The following RXFP2 variants were observed in gnomAD, a reference collection of about 807,000 sequenced individuals.
RXFP2 encodes relaxin family peptide receptor 2.
Under a neutral mutation model 88.6 loss-of-function variants are expected in RXFP2, and 68 were observed. That is an observed-to-expected ratio of 0.77 (90% CI 0.63 to 0.94). The LOEUF (loss-of-function observed/expected upper bound fraction) is 0.94. RXFP2 is among the 40% of genes least tolerant of loss of function. RXFP2 has a pLI of 0.00. For synonymous variants in RXFP2, 329 were observed against 306.8 expected, an observed-to-expected ratio of 1.07 and a Z score of -0.76; for missense variants, 791 against 893.9, an observed-to-expected ratio of 0.88 and a Z score of 1.47.
intron 5 of RXFP2, among the ~76,000 whole-genome samples, chr13:31,773,478 G>T (rs1475217395): frequency 2.1e-5 from 3 of 146,196 alleles, no homozygotes; most frequent in Non-Finnish European, 3.0e-5. Context: ...TTTTTTAATT[G>T]AAGTTAAATA....
rs1874405141 is a variant in RXFP2, at chr13:31,802,542, G to C, written c.*137G>C. On this transcript the variant is annotated 3_prime_UTR_variant, in exon 18 of 18. Transcript: ENST00000298386. ...CAGAGAGCACAGCAGAATGGCTCCT[G>C]TCACTGCATTCCAATGGCAGCTGTA... The C allele has an allele frequency of 2.1e-6, 2 of 934,796 alleles. No homozygotes were observed. The highest frequency in any genetic ancestry group is 3.4e-6 in the Non-Finnish European group (2 of 582,064). 57.9% of individuals were successfully genotyped at this position (934,796 alleles called of 1,614,324 possible).
At chr13:31,751,482 T>G (rs1441856715) in intron 1 of RXFP2, among the ~76,000 whole-genome samples, 2 of 152,280 alleles carry the variant, frequency 1.3e-5, no homozygotes, top group East Asian at 1.9e-4. Flanking sequence ...TCTAGTCCTG[T>G]GCAGTTTCCA....
chr13:31,767,070 G>A (rs2138418914), intron 5 of RXFP2, among the ~76,000 whole-genome samples: 1 of 152,286 alleles, frequency 6.6e-6, no homozygotes, highest in Admixed American at 6.5e-5. Flanking sequence ...CTAGAAATGT[G>A]AAATTTATGA....
At chr13:31,748,671 T>C (rs1051863692) in intron 1 of RXFP2, among the ~76,000 whole-genome samples, 11 of 152,144 alleles carry the variant, frequency 7.2e-5, no homozygotes, top group Non-Finnish European at 1.6e-4. Context: ...GTCTTTGCAC[T>C]CTCTTAATGA....
At chr13:31,765,577 T>A (rs943405533) in intron 4 of RXFP2, among the ~76,000 whole-genome samples, 1 of 152,194 alleles carries the variant, frequency 6.6e-6, no homozygotes, top group Admixed American at 6.5e-5. Flanking sequence ...GTACTTTGCA[T>A]AAAGTTCTTG....
chr13:31,781,857 C>T (rs529059934), intron 10 of RXFP2, 115 bp downstream of exon 10: 308 of 756,846 alleles, frequency 4.1e-4, no homozygotes, highest in Admixed American at 7.5e-4. Flanking sequence ...CTTGGTCTGA[C>T]ACTGCAGTGC....
chr13:31,786,380 C>T lies in RXFP2; in HGVS notation c.930-3C>T. On this transcript the variant is annotated splice_polypyrimidine_tract_variant and splice_region_variant and intron_variant, in intron 11 of 17. Transcript: ENST00000298386. ...TGCTTTGGGTTTTCATTGTCGTCAACAGGGATCTGTCTAGCAATACGATAA... is the reference window on the plus strand; with the variant it reads ...TGCTTTGGGTTTTCATTGTCGTCAATAGGGATCTGTCTAGCAATACGATAA... 1 of 1,597,146 alleles carries T rather than the reference C, an allele frequency of 6.3e-7. No individual in the cohort carries two copies. Among genetic ancestry groups the T allele is most frequent in the South Asian group, 1.1e-5 (1 of 90,716 alleles).
chr13:31,751,762 C>T (rs960880233), intron 1 of RXFP2, among the ~76,000 whole-genome samples: 2 of 152,162 alleles, frequency 1.3e-5, no homozygotes, highest in African/African-American at 4.8e-5. Context: ...ATCGGGCTTC[C>T]CCTTGCCTGT....
chr13:31,756,014 G>A (rs900462484), intron 1 of RXFP2, among the ~76,000 whole-genome samples: 6 of 152,048 alleles, frequency 3.9e-5, no homozygotes, highest in Admixed American at 6.5e-5. Flanking sequence ...CTGCTTTTCC[G>A]TGCTTGCGGG....
chr13:31,789,985 G>T (rs867299234), intron 14 of RXFP2, among the ~76,000 whole-genome samples: 4 of 152,106 alleles, frequency 2.6e-5, no homozygotes, highest in South Asian at 2.1e-4. Flanking sequence ...TTTAATGAGG[G>T]TATCATTTCC....
intron 1 of RXFP2, among the ~76,000 whole-genome samples, chr13:31,757,794 G>A (rs1411761286): frequency 6.6e-6 from 1 of 152,064 alleles, no homozygotes; most frequent in Non-Finnish European, 1.5e-5. Context: ...GATTATGGCT[G>A]TTTAAAATGT....
At chr13:31,764,459 T>C (rs1872458196) in intron 3 of RXFP2, among the ~76,000 whole-genome samples, 1 of 152,216 alleles carries the variant, frequency 6.6e-6, no homozygotes, top group Non-Finnish European at 1.5e-5. Context: ...GCTTTGCAGC[T>C]TTTTACCTTC....
Position 31,802,755 on chromosome 13 carries a change from T to C in RXFP2, c.*350T>C. The stretch of plus-strand genomic sequence containing the variant: ...CTTTCACATCGGGTTGCACTGTCCA[T>C]GAAATAGAAACACTCACAACATCTG... On this transcript the variant is annotated 3_prime_UTR_variant, in exon 18 of 18. Transcript: ENST00000298386. The C allele has an allele frequency of 4.1e-6, 1 of 241,884 alleles. No homozygotes were observed. Among genetic ancestry groups the C allele is most frequent in the East Asian group, 9.2e-5 (1 of 10,840 alleles). 15.0% of individuals were successfully genotyped at this position (241,884 alleles called of 1,614,324 possible).
intron 6 of RXFP2, 78 bp from the exon 7 acceptor site, chr13:31,775,240 A>C: frequency 1.8e-6 from 2 of 1,104,916 alleles, no homozygotes; most frequent in South Asian, 2.5e-5. Flanking sequence ...AATCATCATC[A>C]GTGGCTCATA....
At chr13:31,769,730 C>T (rs899283194) in intron 5 of RXFP2, among the ~76,000 whole-genome samples, 2 of 152,202 alleles carry the variant, frequency 1.3e-5, no homozygotes, top group Non-Finnish European at 2.9e-5. Context: ...ACATGTGTTG[C>T]TGCTAAGTGA....
At chr13:31,775,806 G>A (rs963503709) in intron 7 of RXFP2, among the ~76,000 whole-genome samples, 1 of 152,262 alleles carries the variant, frequency 6.6e-6, no homozygotes, top group African/African-American at 2.4e-5. Context: ...ATAGCTTGTA[G>A]TATTTCACCA....
chr13:31,782,738 T>C lies in RXFP2; in HGVS notation c.920T>C (p.Leu307Ser). 2 of 1,588,900 alleles carry C rather than the reference T, an allele frequency of 1.3e-6. No individual in the cohort carries two copies. The highest frequency in any genetic ancestry group is 1.7e-6 in the Non-Finnish European group (2 of 1,157,104). Residue 307 changes from leucine (L) to serine (S), a missense_variant, in exon 11 of 18, where the codon TTA (leucine) becomes TCA (serine). Coordinates refer to ENST00000298386, the MANE Select transcript of RXFP2 (RefSeq NM_130806.5). ...PEKTFSSLKN[L>S]GELDLSSNTI... ...AAGACATTTTCTTCATTAAAAAATT[T>C]AGGAGAACTGTAAGTAGCATCGTCT...
intron 17 of RXFP2, 87 bp from the exon 18 acceptor site, chr13:31,802,059 T>C: frequency 1.5e-6 from 2 of 1,360,614 alleles, no homozygotes; most frequent in Non-Finnish European, 2.1e-6. Context: ...CTCCCTCTCA[T>C]AAATAGCATT....
intron 16 of RXFP2, among the ~76,000 whole-genome samples, chr13:31,796,113 A>C (rs1349371928): frequency 1.6e-5 from 2 of 129,030 alleles, no homozygotes; most frequent in African/African-American, 3.0e-5. Context: ...GCAGTGGCGC[A>C]ATCTCGGCTC....
Sources: allele counts gnomAD v4.1 joint callset (sites outside exome capture counted in the v4.1 genomes callset), GRCh38; gene constraint gnomAD v4.1.1; transcripts MANE v1.5; gene names NCBI Gene and HGNC (gene_info 2026-07-23, HGNC 2026-07-21).